Variants in NBEA observed in about 807,000 individuals in gnomAD.
The protein encoded by NBEA is neurobeachin, also known as lysosomal-trafficking regulator 2.
A neutral mutation model predicts 343.4 loss-of-function variants in NBEA; 44 were observed. That is an observed-to-expected ratio of 0.13 (90% CI 0.10 to 0.16). NBEA has a LOEUF of 0.16. Among genes scored for constraint, NBEA ranks in the 10% least tolerant of loss-of-function variants. The pLI is 1.00. For synonymous variants in NBEA, 1,175 were observed against 1,238.7 expected, an observed-to-expected ratio of 0.95 and a Z score of 1.08; for missense variants, 2,555 against 3,631.3, an observed-to-expected ratio of 0.70 and a Z score of 7.62.
At chr13:35,591,615 A>G (rs1453530211) in intron 46 of NBEA, among the ~76,000 whole-genome samples, 1 of 152,056 alleles carries the variant, frequency 6.6e-6, no homozygotes, top group Non-Finnish European at 1.5e-5. Context: ...AACACTGAAC[A>G]TGAAATAGTG....
At chr13:35,004,033 G>T (rs561780554) in intron 1 of NBEA, among the ~76,000 whole-genome samples, 82 of 152,184 alleles carry the variant, frequency 5.4e-4, no homozygotes, top group Middle Eastern at 3.4e-3. Flanking sequence ...GCAGTGTTTG[G>T]TTTTATGTTC....
intron 49 of NBEA, among the ~76,000 whole-genome samples, chr13:35,640,719 G>C (rs1190420464): frequency 6.6e-6 from 1 of 152,128 alleles, no homozygotes; most frequent in African/African-American, 2.4e-5. Flanking sequence ...CTTAATGGGA[G>C]CTCTATATAC....
intron 41 of NBEA, among the ~76,000 whole-genome samples, chr13:35,496,729 C>T (rs376869612): frequency 4.0e-5 from 6 of 151,664 alleles, no homozygotes; most frequent in African/African-American, 1.4e-4. Flanking sequence ...AGTTTAATTC[C>T]TGCAATATGT....
At chr13:35,257,982 T>C (rs981951848) in intron 34 of NBEA, among the ~76,000 whole-genome samples, 4 of 152,148 alleles carry the variant, frequency 2.6e-5, no homozygotes, top group African/African-American at 9.6e-5. Context: ...GACTCACTTT[T>C]ACAAAAGATT....
intron 31 of NBEA, among the ~76,000 whole-genome samples, chr13:35,201,307 A>T (rs1453934829): frequency 6.6e-6 from 1 of 152,082 alleles, no homozygotes; most frequent in Non-Finnish European, 1.5e-5. Context: ...AGTATCTCTC[A>T]TTAATAGGTG....
At chr13:35,472,229 T>C (rs1272963625) in intron 40 of NBEA, among the ~76,000 whole-genome samples, 171 bp from the exon 41 acceptor site, 1 of 152,192 alleles carries the variant, frequency 6.6e-6, no homozygotes, top group Non-Finnish European at 1.5e-5. Flanking sequence ...TATAAGGTAA[T>C]GTATAAAAGC....
intron 27 of NBEA, among the ~76,000 whole-genome samples, chr13:35,175,706 G>T (rs2070843525): frequency 6.6e-6 from 1 of 152,136 alleles, no homozygotes; most frequent in Admixed American, 6.6e-5. Flanking sequence ...ACAATGAATG[G>T]ATCTGAGTGG....
chr13:35,382,344 GT>G (rs1180267006), intron 38 of NBEA, among the ~76,000 whole-genome samples: 1 of 151,966 alleles, frequency 6.6e-6, no homozygotes. Context: ...TTTGGCTGTT[GT>G]TTTAGTTATC....
At chr13:35,618,319 G>T (rs1044699629) in intron 48 of NBEA, among the ~76,000 whole-genome samples, 3 of 152,208 alleles carry the variant, frequency 2.0e-5, no homozygotes, top group African/African-American at 7.2e-5. Context: ...TATCATTGAT[G>T]ATTAAATGCC....
intron 1 of NBEA, among the ~76,000 whole-genome samples, chr13:35,040,722 T>G (rs2062619482): frequency 6.6e-6 from 1 of 152,120 alleles, no homozygotes; most frequent in African/African-American, 2.4e-5. Context: ...CTTTTCCATT[T>G]ATGTGAAAAT....
intron 36 of NBEA, 144 bp from the exon 37 acceptor site, chr13:35,348,964 A>C (rs904753023): frequency 5.3e-6 from 2 of 378,570 alleles, no homozygotes; most frequent in African/African-American, 4.2e-5. Context: ...ATTTTACTGA[A>C]TCATAATTTA....
At position 35,045,283 on chromosome 13, in the gene NBEA, T is replaced by G. The variant is rs74051223; in HGVS notation, c.628-23T>G. ...ATTGCTAAATTTGTACAATGACATT[T>G]CTTTCTTTTATTGTTTCCCCAGCCA... On this transcript the variant is annotated intron_variant, in intron 3 of 58. Transcript: ENST00000379939. 2,903 of 1,567,664 alleles carry G rather than the reference T, an allele frequency of 1.9e-3. 50 individuals carry two copies. In the African/African-American group the frequency reaches 0.036, roughly 19 times the overall value.
chr13:35,369,568 A>G (rs180785773), intron 38 of NBEA, among the ~76,000 whole-genome samples: 115 of 151,850 alleles, frequency 7.6e-4, no homozygotes, highest in South Asian at 5.8e-3. Flanking sequence ...TTGTTCATCA[A>G]TGTTTTGTAG....
chr13:35,350,873 C>T (rs2040164061), intron 37 of NBEA, among the ~76,000 whole-genome samples: 1 of 151,368 alleles, frequency 6.6e-6, no homozygotes, highest in Admixed American at 6.6e-5. Flanking sequence ...CCATATCAGC[C>T]TATAATTAGG....
intron 40 of NBEA, among the ~76,000 whole-genome samples, chr13:35,466,901 C>T (rs1433492122): frequency 4.0e-5 from 6 of 151,664 alleles, no homozygotes; most frequent in African/African-American, 9.7e-5. Context: ...TTTTTATTTC[C>T]TTAAGATACT....
chr13:35,206,174 G>A (rs747693575), intron 31 of NBEA, among the ~76,000 whole-genome samples: 2 of 151,710 alleles, frequency 1.3e-5, no homozygotes, highest in Non-Finnish European at 2.9e-5. Context: ...TTTTCTCTCG[G>A]TCTCATAACT....
intron 38 of NBEA, among the ~76,000 whole-genome samples, chr13:35,419,687 A>G (rs1260757337): frequency 6.6e-6 from 1 of 152,030 alleles, no homozygotes; most frequent in Non-Finnish European, 1.5e-5. Context: ...ACATTTTTAA[A>G]TAATGTGAAT....
At chr13:35,142,581 A>G (rs181346210) in intron 18 of NBEA, among the ~76,000 whole-genome samples, 8 of 152,254 alleles carry the variant, frequency 5.3e-5, no homozygotes, top group Admixed American at 2.6e-4. Context: ...CAATTTCTTT[A>G]TGTCGATCCA....
At chr13:35,177,322 G>C (rs577804137) in intron 28 of NBEA, among the ~76,000 whole-genome samples, 1 of 151,834 alleles carries the variant, frequency 6.6e-6, no homozygotes, top group African/African-American at 2.4e-5. Context: ...TTTGATGTAA[G>C]TTGCTTGCAT....
Sources: gnomAD v4.1 joint callset for allele counts (sites outside exome capture counted in the v4.1 genomes callset) on GRCh38, gnomAD v4.1.1 for gene constraint, MANE v1.5 for transcripts, NCBI Gene and HGNC (gene_info 2026-07-23, HGNC 2026-07-21) for gene names.